SOX6: variants seen among roughly 807,000 people sequenced by gnomAD.
SOX6 encodes SRY-box transcription factor 6, also known as transcription factor SOX-6.
A neutral mutation model predicts 97.8 loss-of-function variants in SOX6; 11 were observed. The observed-to-expected ratio is 0.11, with a 90% CI of 0.07 to 0.19. The LOEUF is 0.19. Among genes scored for constraint, SOX6 ranks in the 10% least tolerant of loss-of-function variants. The pLI, the probability that SOX6 is intolerant of heterozygous loss-of-function variation, is 1.00. For synonymous variants in SOX6, 360 were observed against 371.4 expected (o/e 0.97, Z 0.35); for missense variants, 810 against 1,039.5 (o/e 0.78, Z 3.04).
intron 15 of SOX6, among the ~76,000 whole-genome samples, chr11:15,980,174 AT>A (rs1853616180): frequency 6.6e-6 from 1 of 152,048 alleles, no homozygotes; most frequent in African/African-American, 2.4e-5. Context: ...TAAAGGGGAG[AT>A]TTGTTCTAGG....
chr11:16,146,701 C>G (rs1409791429), intron 6 of SOX6, among the ~76,000 whole-genome samples: 2 of 152,100 alleles, frequency 1.3e-5, no homozygotes, highest in Non-Finnish European at 2.9e-5. Context: ...AGGATATGAA[C>G]AGACACTTCT....
intron 1 of SOX6, among the ~76,000 whole-genome samples, chr11:16,385,551 T>C (rs1857958111): frequency 1.3e-5 from 2 of 152,062 alleles, no homozygotes; most frequent in Non-Finnish European, 2.9e-5. Context: ...AGAAAAACTT[T>C]TCAGTAAACA....
chr11:16,337,638 A>C (rs1211920369), intron 2 of SOX6, among the ~76,000 whole-genome samples: 1 of 152,104 alleles, frequency 6.6e-6, no homozygotes, highest in East Asian at 1.9e-4. Flanking sequence ...GAGGATAGTG[A>C]ATCTTATTTA....
At chr11:16,369,737 T>C (rs1857452995) in intron 1 of SOX6, among the ~76,000 whole-genome samples, 1 of 152,216 alleles carries the variant, frequency 6.6e-6, no homozygotes, top group Non-Finnish European at 1.5e-5. Flanking sequence ...CAGTTATTCA[T>C]TTATTGTCTC....
At chr11:16,371,608 T>C (rs561750747) in intron 1 of SOX6, among the ~76,000 whole-genome samples, 7 of 152,218 alleles carry the variant, frequency 4.6e-5, no homozygotes, top group African/African-American at 1.7e-4. Context: ...GTAAACACTG[T>C]TGAATAAAAT....
At chr11:16,582,708 T>A (rs1470987508) in intron 4 of SOX6, among the ~76,000 whole-genome samples, 1 of 152,118 alleles carries the variant, frequency 6.6e-6, no homozygotes, top group East Asian at 1.9e-4. Flanking sequence ...ATATATTTTT[T>A]AAATCTAGAT....
chr11:16,170,412 CT>C (rs1471853545), intron 6 of SOX6, among the ~76,000 whole-genome samples: 4 of 151,284 alleles, frequency 2.6e-5, no homozygotes, highest in Non-Finnish European at 3.0e-5. Context: ...AATGCAATGA[CT>C]TTTTTAGTCA....
At chr11:16,573,623 T>A (rs1847957859) in intron 4 of SOX6, among the ~76,000 whole-genome samples, 1 of 152,126 alleles carries the variant, frequency 6.6e-6, no homozygotes, top group Non-Finnish European at 1.5e-5. Flanking sequence ...CTATCAATAG[T>A]GGGGAAAAAA....
chr11:16,653,553 TA>T (rs2134015054), intron 3 of SOX6, among the ~76,000 whole-genome samples: 1 of 152,252 alleles, frequency 6.6e-6, no homozygotes, highest in East Asian at 1.9e-4. Flanking sequence ...TTTTCACTCA[TA>T]AGTGGGAAAT....
At chr11:16,188,229 C>CAAAA (rs5789943) in intron 4 of SOX6, among the ~76,000 whole-genome samples, 3 of 113,598 alleles carry the variant, frequency 2.6e-5, no homozygotes, top group African/African-American at 9.3e-5. Flanking sequence ...AACTCAGGTC[C>CAAAA]AAAAAAAAAA....
At chr11:16,552,444 T>C (rs73417114) in intron 4 of SOX6, among the ~76,000 whole-genome samples, 5,105 of 152,206 alleles carry the variant, frequency 0.034, 274 homozygotes, top group African/African-American at 0.11. Context: ...TTTCACTCCA[T>C]GGGTTAATGT....
intron 4 of SOX6, among the ~76,000 whole-genome samples, chr11:16,192,833 G>A (rs565719613): frequency 6.6e-6 from 1 of 152,052 alleles, no homozygotes; most frequent in South Asian, 2.1e-4. Context: ...TGCTAATTTT[G>A]CCCTTATGAA....
chr11:15,979,473 A>AT (rs1394240589), intron 15 of SOX6, among the ~76,000 whole-genome samples: 4 of 152,110 alleles, frequency 2.6e-5, no homozygotes, highest in Admixed American at 6.6e-5. Flanking sequence ...ATATGAAAGC[A>AT]TTCCTCTGCT....
chr11:16,330,741 G>T (rs1342884155), intron 2 of SOX6, among the ~76,000 whole-genome samples: 1 of 152,044 alleles, frequency 6.6e-6, no homozygotes, highest in African/African-American at 2.4e-5. Context: ...AACCAAGAAA[G>T]TTAGAAGTGC....
chr11:16,310,421 T>C (rs1231431895), intron 3 of SOX6, among the ~76,000 whole-genome samples: 1 of 152,094 alleles, frequency 6.6e-6, no homozygotes, highest in African/African-American at 2.4e-5. Context: ...TCCCTAAATA[T>C]CATTGTACAA....
intron 3 of SOX6, among the ~76,000 whole-genome samples, chr11:16,270,258 T>C (rs1053457269): frequency 2.0e-5 from 3 of 151,366 alleles, no homozygotes; most frequent in Non-Finnish European, 4.4e-5. Flanking sequence ...CATTAATCAC[T>C]TGGGAAATGC....
intron 12 of SOX6, among the ~76,000 whole-genome samples, chr11:16,032,185 C>G (rs1299916295): frequency 1.3e-5 from 2 of 152,088 alleles, no homozygotes; most frequent in African/African-American, 2.4e-5. Context: ...GACATGGGCT[C>G]TTCCTTCAAG....
intron 2 of SOX6, among the ~76,000 whole-genome samples, chr11:16,319,691 C>T (rs985345419): frequency 6.6e-6 from 1 of 152,050 alleles, no homozygotes; most frequent in Non-Finnish European, 1.5e-5. Context: ...TTTATGGCGG[C>T]ATAGTATTTC....
At chr11:16,405,740 CCTCTTT>C (rs1858671406) in intron 1 of SOX6, among the ~76,000 whole-genome samples, 1 of 152,040 alleles carries the variant, frequency 6.6e-6, no homozygotes, top group Non-Finnish European at 1.5e-5. Context: ...CTCCCCTCTG[CCTCTTT>C]AATAAGTTGA....
Sources: gnomAD v4.1 joint callset for allele counts (sites outside exome capture counted in the v4.1 genomes callset) on GRCh38, gnomAD v4.1.1 for gene constraint, MANE v1.5 for transcripts, NCBI Gene and HGNC (gene_info 2026-07-23, HGNC 2026-07-21) for gene names.